Variants in RSRC1 observed in about 807,000 individuals in gnomAD.
RSRC1 encodes the protein serine/Arginine-related protein 53.
RSRC1 carries 39 observed loss-of-function variants against 49.1 expected under a neutral mutation model. The observed-to-expected ratio is 0.79, with a 90% confidence interval of 0.61 to 1.04. RSRC1 has a LOEUF of 1.04. Ranked by LOEUF, RSRC1 falls within the 50% of genes least tolerant of loss-of-function variation. The pLI, the probability that RSRC1 is intolerant of heterozygous loss-of-function variation, is 0.00. For synonymous variants in RSRC1, 143 were observed against 130.8 expected (o/e 1.09, Z -0.63); for missense variants, 388 against 402.4 (o/e 0.96, Z 0.31).
chr3:158,436,147 T>C (rs1203857340), intron 6 of RSRC1, among the ~76,000 whole-genome samples: 1 of 151,956 alleles, frequency 6.6e-6, no homozygotes, highest in Non-Finnish European at 1.5e-5. Context: ...ATGTCTGATA[T>C]GACACTATGC....
intron 4 of RSRC1, among the ~76,000 whole-genome samples, chr3:158,262,693 A>G (rs1432692816): frequency 3.3e-5 from 5 of 152,154 alleles, no homozygotes; most frequent in African/African-American, 1.2e-4. Context: ...TAGCGCAGTA[A>G]CAAGGTATAT....
At chr3:158,365,304 C>T (rs577634035) in intron 6 of RSRC1, among the ~76,000 whole-genome samples, 1 of 152,122 alleles carries the variant, frequency 6.6e-6, no homozygotes, top group Non-Finnish European at 1.5e-5. Flanking sequence ...CCCCTAGTAC[C>T]CACCCCCCGA....
At chr3:158,258,076 A>G (rs1724672467) in intron 4 of RSRC1, among the ~76,000 whole-genome samples, 1 of 152,114 alleles carries the variant, frequency 6.6e-6, no homozygotes, top group Non-Finnish European at 1.5e-5. Context: ...AGTAGTTTAC[A>G]CACCACAGTT....
At chr3:158,443,648 TTA>T (rs2108377726) in intron 6 of RSRC1, among the ~76,000 whole-genome samples, 1 of 152,278 alleles carries the variant, frequency 6.6e-6, no homozygotes, top group South Asian at 2.1e-4. Flanking sequence ...TTCTTACCAT[TTA>T]TGTGTTCACT....
Position 158,544,966 on chromosome 3 carries a change from A to G in RSRC1, c.*691A>G, listed in dbSNP as rs1053064778. The G allele has an allele frequency of 8.6e-5, 13 of 150,696 alleles. No individual in the cohort carries two copies. The highest frequency in any genetic ancestry group is 2.0e-4 in the African/African-American group (8 of 40,066). The allele number at this position is 150,696 out of a possible 1,614,324, so 9.3% of individuals were successfully genotyped here. On this transcript the variant is annotated 3_prime_UTR_variant, in exon 10 of 10. Coordinates refer to ENST00000611884, the MANE Select transcript of RSRC1 (RefSeq NM_001271838.2). Reference sequence around the variant, plus strand: ...GGAGAAATCATTTCTGAGAAAACTGATAAGAGCTCTCACTTCAGTCTTACT... The same window carrying G: ...GGAGAAATCATTTCTGAGAAAACTGGTAAGAGCTCTCACTTCAGTCTTACT...
chr3:158,185,990 GTA>G (rs1719903852), intron 3 of RSRC1, among the ~76,000 whole-genome samples: 2 of 151,910 alleles, frequency 1.3e-5, no homozygotes, highest in South Asian at 4.2e-4. Flanking sequence ...TATGGTATGT[GTA>G]TCTGTTTTTT....
intron 7 of RSRC1, among the ~76,000 whole-genome samples, chr3:158,534,257 A>T (rs1420339345): frequency 6.6e-6 from 1 of 151,732 alleles, no homozygotes; most frequent in East Asian, 1.9e-4. Flanking sequence ...AATTGAGACA[A>T]AGATTTTTTC....
At chr3:158,527,580 GTTATTATATGTGC>G (rs1177988791) in intron 7 of RSRC1, among the ~76,000 whole-genome samples, 1 of 151,850 alleles carries the variant, frequency 6.6e-6, no homozygotes, top group Non-Finnish European at 1.5e-5. Flanking sequence ...AGACTCTGGA[GTTATTATATGTGC>G]TTATAAAAAC....
chr3:158,492,995 G>A (rs752021655), intron 7 of RSRC1, among the ~76,000 whole-genome samples: 2 of 152,124 alleles, frequency 1.3e-5, no homozygotes, highest in Non-Finnish European at 2.9e-5. Context: ...GCTTGGGAAA[G>A]TGGCCATTTC....
chr3:158,235,433 T>G (rs1723187501), intron 4 of RSRC1, among the ~76,000 whole-genome samples: 1 of 152,168 alleles, frequency 6.6e-6, no homozygotes, highest in East Asian at 1.9e-4. Context: ...TCAATTATAG[T>G]TATATGTGTT....
chr3:158,354,183 G>A (rs1461321845), intron 5 of RSRC1, among the ~76,000 whole-genome samples: 1 of 151,806 alleles, frequency 6.6e-6, no homozygotes, highest in South Asian at 2.1e-4. Context: ...TAGAGATGGG[G>A]TTTCACCATG....
At chr3:158,418,377 A>C (rs1197139210) in intron 6 of RSRC1, among the ~76,000 whole-genome samples, 1 of 152,000 alleles carries the variant, frequency 6.6e-6, no homozygotes, top group Non-Finnish European at 1.5e-5. Context: ...CAGGGAGAAT[A>C]CTTGTTTTTA....
chr3:158,206,910 T>A (rs976605598), intron 4 of RSRC1, among the ~76,000 whole-genome samples: 5 of 152,236 alleles, frequency 3.3e-5, no homozygotes, highest in African/African-American at 9.6e-5. Context: ...TGAGACTCCG[T>A]TTAAAAAAAC....
intron 3 of RSRC1, among the ~76,000 whole-genome samples, chr3:158,196,397 G>A (rs62290094): frequency 6.6e-6 from 1 of 152,064 alleles, no homozygotes; most frequent in Non-Finnish European, 1.5e-5. Context: ...AAGGAGATTT[G>A]GGGCTGAGAC....
intron 6 of RSRC1, among the ~76,000 whole-genome samples, chr3:158,436,043 A>C (rs1736024725): frequency 6.6e-6 from 1 of 151,926 alleles, no homozygotes; most frequent in African/African-American, 2.4e-5. Flanking sequence ...GAACAGAATT[A>C]AATCTTTAAT....
At chr3:158,352,996 C>T (rs939454645) in intron 5 of RSRC1, among the ~76,000 whole-genome samples, 10 of 152,284 alleles carry the variant, frequency 6.6e-5, no homozygotes, top group African/African-American at 1.9e-4. Flanking sequence ...ATTTCCAATA[C>T]TTTATAAAGC....
At chr3:158,438,794 G>T (rs1315337704) in intron 6 of RSRC1, among the ~76,000 whole-genome samples, 1 of 152,140 alleles carries the variant, frequency 6.6e-6, no homozygotes, top group Non-Finnish European at 1.5e-5. Flanking sequence ...AAAAGCAATG[G>T]CAACAAAAGC....
At chr3:158,298,389 T>C (rs1208956984) in intron 5 of RSRC1, among the ~76,000 whole-genome samples, 5 of 152,036 alleles carry the variant, frequency 3.3e-5, no homozygotes, top group Admixed American at 6.5e-5. Flanking sequence ...CTTGATCTGA[T>C]GAAAACAAGC....
intron 4 of RSRC1, among the ~76,000 whole-genome samples, chr3:158,212,284 C>T (rs1320397548): frequency 6.6e-6 from 1 of 151,356 alleles, no homozygotes; most frequent in Admixed American, 6.6e-5. Context: ...TTTTAAGCAA[C>T]TTTTTTGTAC....
Sources: gnomAD v4.1 joint callset for allele counts (sites outside exome capture counted in the v4.1 genomes callset) on GRCh38, gnomAD v4.1.1 for gene constraint, MANE v1.5 for transcripts, NCBI Gene and HGNC (gene_info 2026-07-23, HGNC 2026-07-21) for gene names.